Variants in ADAMTSL1 observed in about 807,000 individuals in gnomAD.
The protein encoded by ADAMTSL1 is ADAMTS like 1, also known as ADAMTS-like protein 1.
A neutral mutation model predicts 201.8 loss-of-function variants in ADAMTSL1; 126 were observed. That is an observed-to-expected ratio of 0.62 (90% CI 0.54 to 0.72). ADAMTSL1 has a LOEUF of 0.72. ADAMTSL1 is among the 30% of genes least tolerant of loss of function. The probability of loss-of-function intolerance (pLI) is 0.00; values close to 1 mark genes in which losing one functional copy is unlikely to be tolerated. For missense variants in ADAMTSL1, 2,679 were observed against 2,277.8 expected (o/e 1.18, Z -3.59); for synonymous variants, 1,121 against 903.4 (o/e 1.24, Z -4.32).
chr9:18,823,408 A>T (rs572766880), intron 21 of ADAMTSL1, among the ~76,000 whole-genome samples: 1 of 152,116 alleles, frequency 6.6e-6, no homozygotes, highest in Non-Finnish European at 1.5e-5. Flanking sequence ...CCTCTCAAAC[A>T]AGCACAATTT....
upstream of ADAMTSL1, among the ~76,000 whole-genome samples, chr9:18,471,260 A>G (rs1014774069): frequency 1.3e-5 from 2 of 152,190 alleles, no homozygotes; most frequent in Non-Finnish European, 1.5e-5. Context: ...GAATATATGT[A>G]TGTGTATACA....
At chr9:18,583,353 G>A (rs1354883882) in intron 4 of ADAMTSL1, among the ~76,000 whole-genome samples, 1 of 152,212 alleles carries the variant, frequency 6.6e-6, no homozygotes, top group African/African-American at 2.4e-5. Context: ...TCCATGTGGT[G>A]TTGAGCCTGT....
At chr9:18,488,262 A>T (rs1347750989) in intron 1 of ADAMTSL1, among the ~76,000 whole-genome samples, 2 of 151,896 alleles carry the variant, frequency 1.3e-5, no homozygotes, top group Non-Finnish European at 2.9e-5. Flanking sequence ...CAAGATCAAA[A>T]CCCTCTGCCC....
intron 13 of ADAMTSL1, among the ~76,000 whole-genome samples, chr9:18,693,587 C>T (rs1183084851): frequency 1.3e-5 from 2 of 152,178 alleles, no homozygotes; most frequent in African/African-American, 4.8e-5. Flanking sequence ...TTGGCTGTTG[C>T]CTCTTTATCT....
chr9:18,469,056 C>T (rs767317923), intron 2 of ADAMTSL1, among the ~76,000 whole-genome samples: 2 of 152,240 alleles, frequency 1.3e-5, no homozygotes, highest in Admixed American at 1.3e-4. Context: ...TTACCTTTCT[C>T]TACTTTCTCT....
At chr9:18,892,732 G>T (rs1402033730) in intron 26 of ADAMTSL1, 136 bp downstream of exon 26, 3 of 1,046,296 alleles carry the variant, frequency 2.9e-6, no homozygotes, top group African/African-American at 1.6e-5. Context: ...TAGCTTTTGT[G>T]GGTTGTCCAG....
intron 1 of ADAMTSL1, among the ~76,000 whole-genome samples, chr9:17,983,489 A>T (rs945989513): frequency 2.3e-4 from 35 of 152,210 alleles, no homozygotes; most frequent in Non-Finnish European, 4.1e-4. Context: ...AAATAAAAAA[A>T]TAAGTTACAT....
intron 16 of ADAMTSL1, among the ~76,000 whole-genome samples, chr9:18,764,756 T>A (rs912495622): frequency 1.3e-5 from 2 of 152,194 alleles, no homozygotes; most frequent in African/African-American, 4.8e-5. Flanking sequence ...TTGTCAGGAG[T>A]CTAGACTTTA....
At chr9:18,781,086 G>T (rs1023388248) in intron 19 of ADAMTSL1, among the ~76,000 whole-genome samples, 2 of 152,116 alleles carry the variant, frequency 1.3e-5, no homozygotes, top group African/African-American at 4.8e-5. Flanking sequence ...ACCTTAATGG[G>T]CATTGAGAGT....
intron 2 of ADAMTSL1, among the ~76,000 whole-genome samples, chr9:18,178,111 G>C (rs1165857046): frequency 2.0e-5 from 3 of 152,324 alleles, no homozygotes; most frequent in East Asian, 3.9e-4. Context: ...TCCATCTGAG[G>C]TAGCGGGTTC....
intron 1 of ADAMTSL1, among the ~76,000 whole-genome samples, chr9:18,479,288 T>G (rs144041128): frequency 6.6e-6 from 1 of 152,248 alleles, no homozygotes; most frequent in Non-Finnish European, 1.5e-5. Flanking sequence ...AGATGCCCAA[T>G]GGCTGTAATC....
intron 1 of ADAMTSL1, among the ~76,000 whole-genome samples, chr9:18,059,907 A>G (rs1354903178): frequency 6.6e-6 from 1 of 152,152 alleles, no homozygotes; most frequent in Non-Finnish European, 1.5e-5. Context: ...TGTTGACTCA[A>G]AAGTCCTTAA....
intron 23 of ADAMTSL1, among the ~76,000 whole-genome samples, chr9:18,830,579 G>T (rs915802065): frequency 4.6e-5 from 7 of 152,158 alleles, no homozygotes; most frequent in African/African-American, 1.7e-4. Context: ...CACATGGGTA[G>T]TGCCCTCTGG....
intron 1 of ADAMTSL1, among the ~76,000 whole-genome samples, chr9:17,971,684 A>G (rs904395996): frequency 2.0e-5 from 3 of 151,972 alleles, no homozygotes; most frequent in South Asian, 4.1e-4. Flanking sequence ...TGGGGCTTTT[A>G]TTCAATTTTA....
At chr9:18,759,206 A>T (rs182976864) in intron 16 of ADAMTSL1, among the ~76,000 whole-genome samples, 52 of 152,276 alleles carry the variant, frequency 3.4e-4, no homozygotes, top group Non-Finnish European at 5.7e-4. Context: ...CAGTGTTGCC[A>T]TTTCCCTCTA....
chr9:18,744,322 T>C (rs1229312885), intron 15 of ADAMTSL1, among the ~76,000 whole-genome samples: 1 of 152,248 alleles, frequency 6.6e-6, no homozygotes, highest in East Asian at 1.9e-4. Flanking sequence ...TTAAAGATGG[T>C]AAGCATGGTT....
chr9:18,556,646 G>A (rs1366718697), intron 3 of ADAMTSL1, among the ~76,000 whole-genome samples: 1 of 151,854 alleles, frequency 6.6e-6, no homozygotes, highest in African/African-American at 2.4e-5. Context: ...TATTTTTTAA[G>A]TTTCTTAAAA....
chr9:18,510,067 TCCCATCTACCAG>T (rs1404927590), intron 2 of ADAMTSL1, among the ~76,000 whole-genome samples: 6 of 152,134 alleles, frequency 3.9e-5, no homozygotes, highest in Non-Finnish European at 8.8e-5. Context: ...TCCAAATAAA[TCCCATCTACCAG>T]GTAAATTAAC....
chr9:18,344,597 G>A (rs777300652), intron 2 of ADAMTSL1, among the ~76,000 whole-genome samples: 10 of 152,082 alleles, frequency 6.6e-5, no homozygotes, highest in Non-Finnish European at 1.2e-4. Flanking sequence ...TTAGCATTCC[G>A]TATGGAGAAG....
Sources: gnomAD v4.1 joint callset for allele counts (sites outside exome capture counted in the v4.1 genomes callset) on GRCh38, gnomAD v4.1.1 for gene constraint, MANE v1.5 for transcripts, NCBI Gene and HGNC (gene_info 2026-07-23, HGNC 2026-07-21) for gene names.